FALEC: variants seen among roughly 807,000 people sequenced by gnomAD.
FALEC encodes focally amplified lncRNA on chromosome 1.
chr1:150,516,945 T>C (rs587730283), intron 1 of FALEC, among the ~76,000 whole-genome samples: 1 of 152,308 alleles, frequency 6.6e-6, no homozygotes, highest in East Asian at 1.9e-4. Flanking sequence ...GACAGCCACC[T>C]AGCCTGGCCT....
At chr1:150,524,638 G>GA in the FALEC span, among the ~76,000 whole-genome samples, 1 of 152,036 alleles carries the variant, frequency 6.6e-6, no homozygotes, top group Non-Finnish European at 1.5e-5. Context: ...AATAAGCAAT[G>GA]AAAAAATGCT....
the FALEC span, among the ~76,000 whole-genome samples, chr1:150,535,902 G>A: frequency 1.3e-5 from 2 of 152,296 alleles, no homozygotes; most frequent in Non-Finnish European, 2.9e-5. Context: ...ACATAGCAAG[G>A]GGCTGAGAAG....
At chr1:150,519,456 C>T (rs1000770882), downstream of FALEC, among the ~76,000 whole-genome samples, 47 of 152,154 alleles carry the variant, frequency 3.1e-4, no homozygotes, top group Non-Finnish European at 5.6e-4. Flanking sequence ...GGCGGTGGCT[C>T]ATGCCTGTAA....
At chr1:150,523,355 T>A in the FALEC span, among the ~76,000 whole-genome samples, 3 of 151,566 alleles carry the variant, frequency 2.0e-5, no homozygotes, top group South Asian at 2.1e-4. Flanking sequence ...AAAATTTTTT[T>A]AAATTACATA....
At chr1:150,530,736 C>T in the FALEC span, among the ~76,000 whole-genome samples, 1 of 152,192 alleles carries the variant, frequency 6.6e-6, no homozygotes, top group South Asian at 2.1e-4. Flanking sequence ...AACGGAGGCC[C>T]GCAACACCCG....
exon 2 of FALEC, chr1:150,517,874 T>C (rs1670591217): frequency 6.6e-6 from 1 of 152,206 alleles, no homozygotes; most frequent in South Asian, 2.1e-4. Context: ...GTCGGTGTCC[T>C]CAGTGGTAGC....
chr1:150,524,919 C>T, the FALEC span, among the ~76,000 whole-genome samples: 2 of 149,858 alleles, frequency 1.3e-5, no homozygotes, highest in African/African-American at 2.5e-5. Context: ...CTCTTGAGCC[C>T]AGGAGTTTGA....
At chr1:150,536,075 A>G in the FALEC span, among the ~76,000 whole-genome samples, 1 of 152,232 alleles carries the variant, frequency 6.6e-6, no homozygotes, top group African/African-American at 2.4e-5. Flanking sequence ...TGGTAACACC[A>G]TGGCATGAGC....
chr1:150,520,220 T>G (rs1285685771), downstream of FALEC, among the ~76,000 whole-genome samples: 2 of 152,192 alleles, frequency 1.3e-5, no homozygotes, highest in African/African-American at 4.8e-5. Context: ...TACAACTCAG[T>G]GGCATTAATT....
At chr1:150,520,691 C>A (rs1670627143), downstream of FALEC, among the ~76,000 whole-genome samples, 1 of 149,494 alleles carries the variant, frequency 6.7e-6, no homozygotes, top group Non-Finnish European at 1.5e-5. Context: ...AGAATAATTA[C>A]AACATATTTT....
the FALEC span, among the ~76,000 whole-genome samples, chr1:150,536,641 T>C: frequency 3.9e-5 from 6 of 152,140 alleles, no homozygotes; most frequent in Non-Finnish European, 7.4e-5. Flanking sequence ...ATTAAAAATA[T>C]TAGCTGGACA....
the FALEC span, among the ~76,000 whole-genome samples, chr1:150,536,331 A>T: frequency 6.6e-6 from 1 of 152,184 alleles, no homozygotes; most frequent in Non-Finnish European, 1.5e-5. Context: ...TGGACACATA[A>T]ATATGTGGAG....
At chr1:150,534,528 A>G in the FALEC span, among the ~76,000 whole-genome samples, 1 of 152,068 alleles carries the variant, frequency 6.6e-6, no homozygotes, top group African/African-American at 2.4e-5. Context: ...GCCCCCACTC[A>G]GGAGATGGAG....
the FALEC span, among the ~76,000 whole-genome samples, chr1:150,528,279 G>A: frequency 6.6e-6 from 1 of 152,196 alleles, no homozygotes. Flanking sequence ...AGAGAGAAGT[G>A]AAGAAAATTG....
the FALEC span, among the ~76,000 whole-genome samples, chr1:150,523,377 G>A: frequency 6.6e-6 from 1 of 151,428 alleles, no homozygotes; most frequent in East Asian, 2.0e-4. Context: ...GTGGCGACCA[G>A]GCGCGGTGGC....
the FALEC span, among the ~76,000 whole-genome samples, chr1:150,533,822 T>G: frequency 6.6e-6 from 1 of 152,186 alleles, no homozygotes; most frequent in Non-Finnish European, 1.5e-5. Flanking sequence ...CCAAAAAAGA[T>G]AGAAAAAGGT....
At chr1:150,530,420 G>A in the FALEC span, among the ~76,000 whole-genome samples, 2 of 152,094 alleles carry the variant, frequency 1.3e-5, no homozygotes, top group Non-Finnish European at 2.9e-5. Flanking sequence ...GATACTGTGT[G>A]GTCCCATGCA....
chr1:150,520,362 T>C (rs1670623254), downstream of FALEC, among the ~76,000 whole-genome samples: 1 of 152,204 alleles, frequency 6.6e-6, no homozygotes, highest in South Asian at 2.1e-4. Flanking sequence ...ACTCCTAATA[T>C]ACTGTCTTTA....
At chr1:150,523,494 A>C in the FALEC span, among the ~76,000 whole-genome samples, 1 of 151,272 alleles carries the variant, frequency 6.6e-6, no homozygotes, top group Admixed American at 6.6e-5. Flanking sequence ...GTCTCTACTA[A>C]AAATACAAAA....
Sources: gnomAD v4.1 joint callset for allele counts (sites outside exome capture counted in the v4.1 genomes callset) on GRCh38, gnomAD v4.1.1 for gene constraint, MANE v1.5 for transcripts, NCBI Gene and HGNC (gene_info 2026-07-23, HGNC 2026-07-21) for gene names.